DDX31: variants seen among roughly 807,000 people sequenced by gnomAD.
DDX31 encodes the protein ATP-dependent DNA helicase DDX31.
In DDX31, 70 loss-of-function variants were observed where a neutral mutation model predicts 91.3. That is an observed-to-expected ratio of 0.77 (90% CI 0.63 to 0.94). The LOEUF is 0.94. Ranked by LOEUF, DDX31 falls within the 40% of genes least tolerant of loss-of-function variation. The pLI, the probability that DDX31 is intolerant of heterozygous loss-of-function variation, is 0.00. For synonymous variants in DDX31, 362 were observed against 350.6 expected (o/e 1.03, Z -0.36); for missense variants, 902 against 925.0 (o/e 0.98, Z 0.32).
intron 17 of DDX31, among the ~76,000 whole-genome samples, chr9:132,621,585 G>A (rs1273010861): frequency 1.6e-4 from 25 of 152,202 alleles, no homozygotes; most frequent in Admixed American, 1.6e-3. Context: ...GAGGGGCACT[G>A]TAATGAGGTG....
At chr9:132,663,232 T>C (rs1247665526) in intron 1 of DDX31, 5 of 1,289,080 alleles carry the variant, frequency 3.9e-6, no homozygotes, top group Non-Finnish European at 5.1e-6. Flanking sequence ...CATTCTACCC[T>C]AGCGCCTGGA....
chr9:132,624,492 T>C (rs1229281337), intron 17 of DDX31, among the ~76,000 whole-genome samples: 2 of 152,336 alleles, frequency 1.3e-5, no homozygotes, highest in Non-Finnish European at 2.9e-5. Flanking sequence ...TCAATTATCT[T>C]GGTTTAGTTA....
Position 132,648,469 on chromosome 9 carries a change from T to C in DDX31, c.823A>G (p.Ser275Gly). 6.2e-7 allele frequency: 1 copy of C among 1,614,118 alleles called. No homozygotes were observed. Among genetic ancestry groups the C allele is most frequent in the African/African-American group, 1.3e-5 (1 of 75,042 alleles). The part of the protein sequence containing the change: ...HIKSTKNIHF[S>G]RLRWLVFDEA... ...TCAAACACCAACCACCGCAGCCGACTAAAATGAATGTTCTTTGTGGATTTT... is the reference window on the plus strand; with the variant it reads ...TCAAACACCAACCACCGCAGCCGACCAAAATGAATGTTCTTTGTGGATTTT... The change falls in exon 10 of 20, where the codon AGT (serine) becomes GGT (glycine). Residue 275 changes from serine to glycine, a missense_variant. Transcript: ENST00000372159.
At chr9:132,646,780 C>T in intron 12 of DDX31, 43 bp downstream of exon 12, 10 of 1,581,292 alleles carry the variant, frequency 6.3e-6, no homozygotes, top group Non-Finnish European at 8.7e-6. Context: ...AGAAAGCAGG[C>T]CTTTCTTCCC....
At chr9:132,625,041 T>C (rs1441778001) in intron 17 of DDX31, among the ~76,000 whole-genome samples, 2 of 152,028 alleles carry the variant, frequency 1.3e-5, no homozygotes, top group Non-Finnish European at 2.9e-5. Context: ...ACGGGAATAC[T>C]GAGTAAGGGG....
Position 132,645,959 on chromosome 9 carries a change from C to G in DDX31, c.1316G>C (p.Gly439Ala), listed in dbSNP as rs1425758287. 6.2e-7 allele frequency: 1 copy of G among 1,613,976 alleles called. No homozygotes were observed. The highest frequency in any genetic ancestry group is 1.1e-5 in the South Asian group (1 of 91,030). Residue 439 changes from glycine (G) to alanine (A), a missense_variant, in exon 13 of 20, where the codon GGG becomes GCG. Coordinates refer to ENST00000372159, the MANE Select transcript of DDX31 (RefSeq NM_022779.9). The stretch of plus-strand genomic sequence containing the variant: ...TCGCATGGAGGCAGATGGCAACTGC[C>G]CTGATGCCGGCGCCCCTGAGCTGCT... The part of the protein sequence containing the change: ...LLSSSGAPAS[G>A]QLPSASMRLK...
At chr9:132,618,575 T>C in intron 17 of DDX31, 134 bp from the exon 18 acceptor site, 1 of 632,538 alleles carries the variant, frequency 1.6e-6, no homozygotes, top group Non-Finnish European at 2.6e-6. Context: ...CCTTTCAATA[T>C]TACTAGGAAA....
chr9:132,610,221 G>C (rs375683318), intron 19 of DDX31, among the ~76,000 whole-genome samples: 114 of 152,302 alleles, frequency 7.5e-4, no homozygotes, highest in African/African-American at 2.6e-3. Context: ...CCTCTGGGAG[G>C]ACAGCCTGGC....
chr9:132,620,467 C>T (rs1005145513), intron 17 of DDX31, among the ~76,000 whole-genome samples: 6 of 145,706 alleles, frequency 4.1e-5, no homozygotes, highest in Admixed American at 1.4e-4. Context: ...TGTATACAAG[C>T]GAAATACGTA....
rs1002435606 is a variant in DDX31 at position 132,651,071 on chromosome 9, T to C, written c.675+4A>G. The C allele has an allele frequency of 1.2e-6, 2 of 1,611,736 alleles. No individual in the cohort carries two copies. Among genetic ancestry groups the C allele is most frequent in the African/African-American group, 1.3e-5 (1 of 74,804 alleles). Reference sequence around the variant, plus strand: ...GATGAAATGGAACTCATGGTTTGCCTTACCTTAAGCAGTTTCTGGACAGTG... The same window carrying C: ...GATGAAATGGAACTCATGGTTTGCCCTACCTTAAGCAGTTTCTGGACAGTG... On this transcript the variant is annotated splice_donor_region_variant and intron_variant, in intron 8 of 19. Coordinates refer to ENST00000372159, the MANE Select transcript of DDX31 (RefSeq NM_022779.9).
chr9:132,621,955 A>G (rs532111836), intron 17 of DDX31, among the ~76,000 whole-genome samples: 22 of 151,786 alleles, frequency 1.4e-4, no homozygotes, highest in African/African-American at 5.3e-4. Flanking sequence ...TAAGTTAACC[A>G]GTTATATCAT....
intron 7 of DDX31, 45 bp downstream of exon 7, chr9:132,652,403 T>G: frequency 6.2e-7 from 1 of 1,613,126 alleles, no homozygotes; most frequent in Non-Finnish European, 8.5e-7. Flanking sequence ...GGGACATTAG[T>G]GAAAGCATGT....
At position 132,594,694 on chromosome 9, in the gene DDX31, CA is replaced by C; in HGVS notation, c.*171del. Reference sequence around the variant, plus strand: ...AGTGCCCCACACCACTGATTTCTATCAGGCTCCAGGGCCTCCCATGGAGGAG... The same window carrying C: ...AGTGCCCCACACCACTGATTTCTATCGGCTCCAGGGCCTCCCATGGAGGAG... On this transcript the variant is annotated 3_prime_UTR_variant, in exon 20 of 20. Coordinates refer to ENST00000372159, the MANE Select transcript of DDX31 (RefSeq NM_022779.9). The C allele has an allele frequency of 9.0e-7, 1 of 1,114,612 alleles. No individual in the cohort carries two copies. Among genetic ancestry groups the C allele is most frequent in the Non-Finnish European group, 1.3e-6 (1 of 786,098 alleles). The allele number at this position is 1,114,612 out of a possible 1,614,324, so 69.0% of individuals were successfully genotyped here.
rs144394202 is a variant in DDX31, at chr9:132,620,480, GA to G, written c.1714-2040del. 5.7e-3 allele frequency among the ~76,000 whole-genome samples: 820 copies of G among 143,334 alleles called. 10 individuals carry two copies. The highest frequency in any genetic ancestry group is 0.02 in the African/African-American group (783 of 38,996). The allele number at this position is 143,334 out of a possible 152,430, so 94.0% of individuals were successfully genotyped here. On this transcript the variant is annotated intron_variant, in intron 17 of 19. Transcript: ENST00000372159. ...TGTGTATACAAGCGAAATACGTAGG[GA>G]AAAAAAAAACAGGATAGAACTAGGT...
Position 132,593,666 on chromosome 9 carries a change from G to A in DDX31, c.*1200C>T, listed in dbSNP as rs968822225. The A allele has an allele frequency of 1.1e-4, 16 of 152,130 alleles. No homozygotes were observed. Among genetic ancestry groups the A allele is most frequent in the African/African-American group, 3.4e-4 (14 of 41,418 alleles). The allele number at this position is 152,130 out of a possible 1,614,324, so 9.4% of individuals were successfully genotyped here. The stretch of plus-strand genomic sequence containing the variant: ...ACTGACATTCACCTGTGTCTAGAAC[G>A]GAGGCAAGGATGCTGACCCCCCGTG... On this transcript the variant is annotated 3_prime_UTR_variant, in exon 20 of 20. Transcript: ENST00000372159.
chr9:132,618,405 GCT>G lies in DDX31; in HGVS notation c.1748_1749del (p.Glu583AlafsTer10). On this transcript the variant is annotated frameshift_variant, in exon 18 of 20. Transcript: ENST00000372159. LOFTEE classifies it high-confidence loss of function. ...AATACCGTCTGCAAGACTGTGGCTCGCTCTCGGATTTCCTGGGGGCCAACAGC... is the reference window on the plus strand; with the variant it reads ...AATACCGTCTGCAAGACTGTGGCTCGCTCGGATTTCCTGGGGGCCAACAGC... ...SHAVGPQEIR[E>X]RATVLQTVFE... The G allele has an allele frequency of 6.2e-7, 1 of 1,611,710 alleles. No individual in the cohort carries two copies. The highest frequency in any genetic ancestry group is 8.5e-7 in the Non-Finnish European group (1 of 1,179,048).
In DDX31 at chr9:132,661,052, ATGAGTAGCTAAG is replaced by A; in HGVS notation, c.452+144_452+155del. The A allele has an allele frequency of 1.5e-5, 10 of 675,994 alleles. No homozygotes were observed. The South Asian group carries it at 1.7e-4, about 11-fold the overall frequency. 41.9% of individuals were successfully genotyped at this position (675,994 alleles called of 1,614,324 possible). On this transcript the variant is annotated intron_variant, in intron 4 of 19. Coordinates refer to ENST00000372159, the MANE Select transcript of DDX31 (RefSeq NM_022779.9). ...TCTTTCCATTTAACAGGTGGAGAGA[ATGAGTAGCTAAG>A]TGAGACGACAACCCTTTATGGTCGA...
chr9:132,629,822 C>A (rs2130652079), intron 16 of DDX31, among the ~76,000 whole-genome samples: 1 of 152,288 alleles, frequency 6.6e-6, no homozygotes. Context: ...TCAACTGCCT[C>A]AAAATCATTT....
intron 19 of DDX31, among the ~76,000 whole-genome samples, chr9:132,610,609 A>G (rs1045195706): frequency 1.3e-5 from 2 of 151,810 alleles, no homozygotes; most frequent in Non-Finnish European, 2.9e-5. Context: ...ATATGGTTCA[A>G]AAAGCATATT....
Sources: allele counts gnomAD v4.1 joint callset (sites outside exome capture counted in the v4.1 genomes callset), GRCh38; gene constraint gnomAD v4.1.1; transcripts MANE v1.5; gene names NCBI Gene and HGNC (gene_info 2026-07-23, HGNC 2026-07-21).